GGNBP2: variants seen among roughly 807,000 people sequenced by gnomAD.
GGNBP2 encodes the protein gametogenetin binding protein 2, also known as gametogenetin-binding protein 2.
A neutral mutation model predicts 85.9 loss-of-function variants in GGNBP2; 10 were observed. The observed-to-expected ratio is 0.12, with a 90% CI of 0.07 to 0.20. The LOEUF (loss-of-function observed/expected upper bound fraction) is 0.20, where lower values mean the gene tolerates loss of function less well. Among genes scored for constraint, GGNBP2 ranks in the 10% least tolerant of loss-of-function variants. The probability of loss-of-function intolerance (pLI) is 1.00; values close to 1 mark genes in which losing one functional copy is unlikely to be tolerated. For missense variants in GGNBP2, 595 were observed against 857.8 expected (o/e 0.69, Z 3.83); for synonymous variants, 287 against 285.7 (o/e 1.00, Z -0.05).
intron 3 of GGNBP2, among the ~76,000 whole-genome samples, chr17:36,555,444 A>G (rs746814612): frequency 2.6e-5 from 4 of 152,230 alleles, no homozygotes; most frequent in Non-Finnish European, 5.9e-5. Flanking sequence ...CTGTAATCCC[A>G]GCACTTTGGG....
At chr17:36,550,023 C>T (rs563521028) in intron 2 of GGNBP2, among the ~76,000 whole-genome samples, 27 of 152,024 alleles carry the variant, frequency 1.8e-4, no homozygotes, top group Admixed American at 1.2e-3. Flanking sequence ...CTGCAACCTC[C>T]GCCTTCCAGG....
intron 5 of GGNBP2, among the ~76,000 whole-genome samples, chr17:36,565,141 A>G (rs1567823959): frequency 6.6e-6 from 1 of 152,242 alleles, no homozygotes; most frequent in East Asian, 1.9e-4. Flanking sequence ...GATCAACTAT[A>G]TTAAATGCGG....
intron 8 of GGNBP2, among the ~76,000 whole-genome samples, chr17:36,580,274 C>T (rs1466821846): frequency 6.7e-6 from 1 of 148,450 alleles, no homozygotes; most frequent in South Asian, 2.2e-4. Flanking sequence ...GTGGCATGAT[C>T]TCGGCTCACT....
intron 12 of GGNBP2, 134 bp downstream of exon 12, chr17:36,586,332 T>C: frequency 3.6e-6 from 4 of 1,109,498 alleles, no homozygotes; most frequent in Non-Finnish European, 5.0e-6. Context: ...GCAGTTCCAT[T>C]GGGTGCTCAT....
chr17:36,567,308 AAGTG>A (rs1455662627), intron 5 of GGNBP2, among the ~76,000 whole-genome samples: 1 of 152,192 alleles, frequency 6.6e-6, no homozygotes, highest in Non-Finnish European at 1.5e-5. Flanking sequence ...TATTAATATA[AAGTG>A]AGTATGTAAT....
chr17:36,571,291 C>T (rs1056989681), intron 6 of GGNBP2, among the ~76,000 whole-genome samples: 1 of 152,056 alleles, frequency 6.6e-6, no homozygotes, highest in Non-Finnish European at 1.5e-5. Context: ...GTGGCTCACT[C>T]CTCTAATCTC....
At chr17:36,546,878 A>G (rs901184010) in intron 2 of GGNBP2, 2 of 152,082 alleles carry the variant, frequency 1.3e-5, no homozygotes, top group Non-Finnish European at 2.9e-5. Context: ...TTCAAATTTT[A>G]TGTAAAATGC....
At chr17:36,561,243 C>T (rs1335205012) in intron 5 of GGNBP2, among the ~76,000 whole-genome samples, 1 of 152,044 alleles carries the variant, frequency 6.6e-6, no homozygotes, top group African/African-American at 2.4e-5. Context: ...CCTGCCTCAG[C>T]TTCCTGAGTA....
In GGNBP2 at chr17:36,560,885, A is replaced by G. The variant is rs2074410280; in HGVS notation, c.527+14A>G. On this transcript the variant is annotated intron_variant, in intron 5 of 13. Transcript: ENST00000613102. ...AAAACCTTTGGGGTAAGTAGAATTG[A>G]ATACCAAGAGGCTTTGTCATTGTTA... 1.5e-6 allele frequency: 2 copies of G among 1,299,618 alleles called. No homozygotes were observed. The highest frequency in any genetic ancestry group is 4.7e-5 in the East Asian group (2 of 42,728). 80.5% of individuals were successfully genotyped at this position (1,299,618 alleles called of 1,614,324 possible).
rs746566510 is a variant in GGNBP2 at position 36,589,515 on chromosome 17, TAAATC to T, written c.*107_*111del. 1.0e-4 allele frequency: 78 copies of T among 769,538 alleles called. No individual in the cohort carries two copies. The highest frequency in any genetic ancestry group is 1.6e-4 in the Non-Finnish European group (76 of 463,442). 47.7% of individuals were successfully genotyped at this position (769,538 alleles called of 1,614,324 possible). The stretch of plus-strand genomic sequence containing the variant: ...AGTGACTTATGGCAAAATTTTATCT[TAAATC>T]AATGTGATTCTTTCTTGTTTTGGGA... On this transcript the variant is annotated 3_prime_UTR_variant, in exon 14 of 14. Coordinates refer to ENST00000613102, the MANE Select transcript of GGNBP2 (RefSeq NM_024835.5).
rs1397220756 is a variant in GGNBP2 at position 36,545,641 on chromosome 17, A to AGCGGCGGCGGCAGAAACAGCAGCGGCG, written c.-70_-44dup. The stretch of plus-strand genomic sequence containing the variant: ...CAGGCAGGAGCTGGGAGGAGGCGGC[A>AGCGGCGGCGGCAGAAACAGCAGCGGCG]GCGGCGGCGGCAGAAACAGCAGCGG... On this transcript the variant is annotated 5_prime_UTR_variant, in exon 2 of 14. Coordinates refer to ENST00000613102, the MANE Select transcript of GGNBP2 (RefSeq NM_024835.5). 5 of 1,062,774 alleles carry AGCGGCGGCGGCAGAAACAGCAGCGGCG rather than the reference A, an allele frequency of 4.7e-6. No homozygotes were observed. Among genetic ancestry groups the AGCGGCGGCGGCAGAAACAGCAGCGGCG allele is most frequent in the Non-Finnish European group, 7.1e-6 (5 of 708,028 alleles). 65.8% of individuals were successfully genotyped at this position (1,062,774 alleles called of 1,614,324 possible). A position where few individuals can be genotyped will look rare whatever the true frequency, so the allele number is the denominator to read the frequency against.
At position 36,587,307 on chromosome 17, in the gene GGNBP2, G is replaced by A. The variant is rs774517481; in HGVS notation, c.1890+62G>A. 5.1e-6 allele frequency: 8 copies of A among 1,559,982 alleles called. No homozygotes were observed. In the East Asian group the frequency reaches 9.0e-5, roughly 18 times the overall value. ...TTGGGAACGGGGTGGATGTGGGAGG[G>A]GATAGTATTTGAGGGCTTAAGGTAG... On this transcript the variant is annotated intron_variant, in intron 13 of 13. Coordinates refer to ENST00000613102, the MANE Select transcript of GGNBP2 (RefSeq NM_024835.5).
At chr17:36,587,354 GA>G (rs747192465) in intron 13 of GGNBP2, 109 bp downstream of exon 13, 1 of 1,108,380 alleles carries the variant, frequency 9.0e-7, no homozygotes, top group Non-Finnish European at 1.3e-6. Flanking sequence ...AAGCTTATGA[GA>G]AATTAAGGGT....
chr17:36,556,959 A>C, intron 3 of GGNBP2, 124 bp from the exon 4 acceptor site: 3 of 1,065,522 alleles, frequency 2.8e-6, no homozygotes, highest in Non-Finnish European at 2.8e-6. Flanking sequence ...ACTCAGTTGC[A>C]GGTAGAGCTG....
chr17:36,587,478 G>A (rs969222355), intron 13 of GGNBP2: 2 of 514,710 alleles, frequency 3.9e-6, no homozygotes, highest in Non-Finnish European at 7.0e-6. Context: ...GACATTATAG[G>A]TATTCCTTGA....
chr17:36,580,909 ACT>A (rs1466768566), intron 8 of GGNBP2, among the ~76,000 whole-genome samples: 8 of 149,908 alleles, frequency 5.3e-5, no homozygotes, highest in Middle Eastern at 3.4e-3. Context: ...ATGGAGCAAG[ACT>A]CTGTCTCAAA....
intron 9 of GGNBP2, among the ~76,000 whole-genome samples, chr17:36,583,814 A>G (rs546479426): frequency 2.0e-5 from 3 of 152,316 alleles, no homozygotes; most frequent in African/African-American, 2.4e-5. Context: ...ATATTCTTCA[A>G]TACTACACTT....
intron 2 of GGNBP2, among the ~76,000 whole-genome samples, 174 bp from the exon 3 acceptor site, chr17:36,554,646 G>GA (rs890414225): frequency 1.3e-5 from 2 of 151,910 alleles, no homozygotes; most frequent in Admixed American, 1.3e-4. Flanking sequence ...AAAGTGCTGG[G>GA]ATTATAGGTG....
chr17:36,560,901 G>T (rs778528584), intron 5 of GGNBP2, 30 bp downstream of exon 5: 3 of 1,118,316 alleles, frequency 2.7e-6, no homozygotes, highest in Middle Eastern at 2.0e-4. Context: ...AAGAGGCTTT[G>T]TCATTGTTAA....
Sources: allele counts gnomAD v4.1 joint callset (sites outside exome capture counted in the v4.1 genomes callset), GRCh38; gene constraint gnomAD v4.1.1; transcripts MANE v1.5; gene names NCBI Gene and HGNC (gene_info 2026-07-23, HGNC 2026-07-21).